The following CPLANE1 variants were observed in gnomAD, a reference collection of about 807,000 sequenced individuals.
The protein encoded by CPLANE1 is ciliogenesis and planar polarity effector complex subunit 1.
A neutral mutation model predicts 362.5 loss-of-function variants in CPLANE1; 263 were observed. That is an observed-to-expected ratio of 0.73 (90% confidence interval 0.66 to 0.80). The LOEUF (loss-of-function observed/expected upper bound fraction) is 0.80. CPLANE1 is among the 30% of genes least tolerant of loss of function. CPLANE1 has a pLI of 0.00. For missense variants in CPLANE1, 3,461 were observed against 3,793.4 expected, an observed-to-expected ratio of 0.91 and a Z score of 2.30; for synonymous variants, 1,212 against 1,302.6, an observed-to-expected ratio of 0.93 and a Z score of 1.50.
downstream of CPLANE1, among the ~76,000 whole-genome samples, chr5:37,105,360 A>G (rs1433300694): frequency 1.3e-5 from 2 of 152,146 alleles, no homozygotes; most frequent in Non-Finnish European, 2.9e-5. Context: ...AACTATCAAT[A>G]AATCCATGCA....
At chr5:37,211,626 G>A in intron 16 of CPLANE1, 1 of 837,518 alleles carries the variant, frequency 1.2e-6, no homozygotes, top group Non-Finnish European at 2.1e-6. Flanking sequence ...ATATCTGGAA[G>A]GTCTGGGCAG....
chr5:37,092,354 G>A, the CPLANE1 span, among the ~76,000 whole-genome samples: 1 of 152,284 alleles, frequency 6.6e-6, no homozygotes, highest in East Asian at 1.9e-4. Flanking sequence ...CCATATCATG[G>A]CAAAGAAAAT....
At chr5:37,204,066 G>C (rs1436557495) in intron 18 of CPLANE1, among the ~76,000 whole-genome samples, 1 of 152,172 alleles carries the variant, frequency 6.6e-6, no homozygotes, top group African/African-American at 2.4e-5. Context: ...AGAGTTTTCA[G>C]ATCATTTAAA....
At chr5:37,158,693 T>C (rs1174189611) in intron 38 of CPLANE1, among the ~76,000 whole-genome samples, 1 of 152,126 alleles carries the variant, frequency 6.6e-6, no homozygotes, top group Non-Finnish European at 1.5e-5. Context: ...CAAAACCAGA[T>C]TTTAGAAGAT....
chr5:37,227,602 A>G lies in CPLANE1; in HGVS notation c.1337T>C (p.Leu446Pro). 1 of 1,551,348 alleles carries G rather than the reference A, an allele frequency of 6.4e-7. No individual in the cohort carries two copies. The highest frequency in any genetic ancestry group is 8.7e-7 in the Non-Finnish European group (1 of 1,146,802). Residue 446 changes from leucine to proline, a missense_variant, in exon 10 of 53, where the codon CTT becomes CCT. Physicochemically the swap from Leu to Pro is moderately conservative, Grantham distance 98. Around this residue, in one of 2 missense-constraint regions of CPLANE1, gnomAD observed 3,380 missense variants for 3,666.1 expected, o/e 0.92. Coordinates refer to ENST00000651892, the MANE Select transcript of CPLANE1 (RefSeq NM_001384732.1). ...TATCACACTTTGATATATTTTCTCAAGCCTCTGGGTTGAATCAAGTAGAAG... is the reference window on the plus strand; with the variant it reads ...TATCACACTTTGATATATTTTCTCAGGCCTCTGGGTTGAATCAAGTAGAAG... The part of the protein sequence containing the change: ...RSLLLDSTQR[L>P]EKIYQSVILS...
At chr5:37,126,391 G>A (rs1319517563) in intron 46 of CPLANE1, among the ~76,000 whole-genome samples, 1 of 152,178 alleles carries the variant, frequency 6.6e-6, no homozygotes, top group African/African-American at 2.4e-5. Flanking sequence ...ATTGCTGCAA[G>A]ACACAGGTGA....
At chr5:37,159,066 G>A (rs1254393783) in intron 38 of CPLANE1, among the ~76,000 whole-genome samples, 2 of 137,354 alleles carry the variant, frequency 1.5e-5, no homozygotes, top group African/African-American at 5.5e-5. Context: ...TTACAGGCAT[G>A]AGCCACTGCG....
intron 12 of CPLANE1, 140 bp downstream of exon 12, chr5:37,226,164 A>G (rs1232216346): frequency 7.0e-6 from 4 of 567,514 alleles, no homozygotes; most frequent in Non-Finnish European, 1.1e-5. Flanking sequence ...TAGTTTCACA[A>G]CCTTATAAAT....
At chr5:37,215,858 A>G (rs942358141) in intron 15 of CPLANE1, among the ~76,000 whole-genome samples, 7 of 151,160 alleles carry the variant, frequency 4.6e-5, no homozygotes, top group African/African-American at 1.5e-4. Context: ...TTGAGAAAGA[A>G]TCCTGCTCTG....
chr5:37,116,576 G>A (rs915325024), intron 50 of CPLANE1, among the ~76,000 whole-genome samples: 34 of 140,364 alleles, frequency 2.4e-4, no homozygotes, highest in East Asian at 2.4e-4. Flanking sequence ...CCATGATCAC[G>A]CCACTGCACT....
At chr5:37,105,135 T>A (rs1413479883), downstream of CPLANE1, among the ~76,000 whole-genome samples, 1 of 151,534 alleles carries the variant, frequency 6.6e-6, no homozygotes, top group Non-Finnish European at 1.5e-5. Flanking sequence ...ACTGTCTCTA[T>A]GAAAACTACA....
At chr5:37,224,810 C>A in intron 12 of CPLANE1, 70 bp from the exon 13 acceptor site, 3 of 1,075,036 alleles carry the variant, frequency 2.8e-6, no homozygotes, top group Non-Finnish European at 2.7e-6. Flanking sequence ...TCCTTTTTAG[C>A]CTATTTTTTT....
At position 37,153,926 on chromosome 5, in the gene CPLANE1, T is replaced by C. The variant is rs375897633; in HGVS notation, c.8187A>G (p.Leu2729=). The change falls in exon 42 of 53, where the codon CTA becomes CTG. Residue 2729 remains leucine (L), a synonymous_variant. Coordinates refer to ENST00000651892, the MANE Select transcript of CPLANE1 (RefSeq NM_001384732.1). ...STKSDSAEDY[L]LWKRLQGVSA... is the part of the protein sequence containing the mutation. The stretch of plus-strand genomic sequence containing the variant: ...AGACACCTTGCAGCCGTTTCCACAA[T>C]AGATAATCTTCTGCAGAGTCTGACT... 54 of 1,614,164 alleles carry C rather than the reference T, an allele frequency of 3.3e-5. No individual in the cohort carries two copies. In the African/African-American group the frequency reaches 5.2e-4, roughly 16 times the overall value.
intron 8 of CPLANE1, among the ~76,000 whole-genome samples, chr5:37,234,745 T>C (rs1001112466): frequency 1.3e-5 from 2 of 152,160 alleles, no homozygotes. Context: ...GCGGCTATTA[T>C]ATTCAGAATG....
At chr5:37,139,575 C>T (rs1396248192) in intron 44 of CPLANE1, 3 of 1,020,584 alleles carry the variant, frequency 2.9e-6, no homozygotes, top group East Asian at 5.4e-5. Flanking sequence ...TTTTTTGAGA[C>T]CATGTCTCAC....
intron 19 of CPLANE1, 82 bp from the exon 20 acceptor site, chr5:37,198,948 T>TG (rs1433002185): frequency 2.6e-5 from 33 of 1,280,098 alleles, no homozygotes; most frequent in Non-Finnish European, 3.5e-5. Flanking sequence ...GATAGGCTAA[T>TG]GAGCTGAGCA....
Position 37,121,759 on chromosome 5 carries a change from G to C in CPLANE1, c.9043C>G (p.Arg3015Gly), listed in dbSNP as rs138862600. The change falls in exon 49 of 53, where the codon CGT (arginine) becomes GGT (glycine). Residue 3015 changes from arginine (R) to glycine (G), a missense_variant. Coordinates refer to ENST00000651892, the MANE Select transcript of CPLANE1 (RefSeq NM_001384732.1). ...AGACCGTACGCTTGTGAGATTCGAC[G>C]ACTATAGTGTTCAGAGAGCAGCAAT... is the stretch of plus-strand genomic sequence containing the variant. ...DRLLLSEHYS[R>G]RISQAYGLMN... 1 of 1,613,912 alleles carries C rather than the reference G, an allele frequency of 6.2e-7. No homozygotes were observed. The highest frequency in any genetic ancestry group is 8.5e-7 in the Non-Finnish European group (1 of 1,179,838).
intron 8 of CPLANE1, among the ~76,000 whole-genome samples, chr5:37,237,969 A>G (rs921764387): frequency 6.6e-6 from 1 of 152,220 alleles, no homozygotes; most frequent in Non-Finnish European, 1.5e-5. Context: ...ACTTAAGGCC[A>G]GAAGTTCAAG....
chr5:37,191,844 AT>A (rs1046617296), intron 21 of CPLANE1, among the ~76,000 whole-genome samples: 9 of 151,822 alleles, frequency 5.9e-5, no homozygotes, highest in South Asian at 2.1e-4. Context: ...AAAGGTTTTA[AT>A]TTTTTTTTAA....
Sources: allele counts gnomAD v4.1 joint callset (sites outside exome capture counted in the v4.1 genomes callset), GRCh38; gene constraint gnomAD v4.1.1; regional missense constraint gnomAD v4.1.1; transcripts MANE v1.5; gene names NCBI Gene and HGNC (gene_info 2026-07-23, HGNC 2026-07-21).